Variants in CRYBB2 observed in about 807,000 individuals in gnomAD.
CRYBB2 encodes the protein crystallin beta B2.
CRYBB2 carries 12 observed loss-of-function variants against 24.3 expected under a neutral mutation model. The observed-to-expected ratio is 0.49, with a 90% confidence interval of 0.32 to 0.80. The LOEUF (loss-of-function observed/expected upper bound fraction) is 0.80. Among genes scored for constraint, CRYBB2 ranks in the 30% least tolerant of loss-of-function variants. CRYBB2 has a pLI of 0.04. For missense variants in CRYBB2, 198 were observed against 268.5 expected, an observed-to-expected ratio of 0.74 and a Z score of 1.83; for synonymous variants, 98 against 101.6, an observed-to-expected ratio of 0.96 and a Z score of 0.21.
intron 2 of CRYBB2, among the ~76,000 whole-genome samples, chr22:25,222,854 GAATT>G (rs1206560028): frequency 6.6e-6 from 1 of 152,006 alleles, no homozygotes; most frequent in Non-Finnish European, 1.5e-5. Flanking sequence ...ATCAATATAA[GAATT>G]ATTAGGCAGA....
upstream of CRYBB2, among the ~76,000 whole-genome samples, chr22:25,218,744 A>AGGG (rs1569015990): frequency 5.1e-3 from 160 of 31,174 alleles, 14 homozygotes; most frequent in Middle Eastern, 0.023. Context: ...GGGGAGAGAG[A>AGGG]GAGAGAGAGA....
chr22:25,223,720 T>C (rs1286748896), intron 2 of CRYBB2, among the ~76,000 whole-genome samples: 1 of 152,134 alleles, frequency 6.6e-6, no homozygotes, highest in Non-Finnish European at 1.5e-5. Flanking sequence ...GTGCTGACCG[T>C]GTCGATTCTG....
At position 25,229,539 on chromosome 22, in the gene CRYBB2, A is replaced by T; in HGVS notation, c.410A>T (p.Tyr137Phe). The T allele has an allele frequency of 6.2e-7, 1 of 1,614,246 alleles. No homozygotes were observed. Among genetic ancestry groups the T allele is most frequent in the Non-Finnish European group, 8.5e-7 (1 of 1,180,044 alleles). Residue 137 changes from tyrosine (Y) to phenylalanine (F), a missense_variant, in exon 5 of 6, where the codon TAC becomes TTC. Physicochemically the swap from Tyr to Phe is conservative, Grantham distance 22. Transcript: ENST00000398215. ...GTACCCAGCTTCCACGCCCATGGCT[A>T]CCAGGAGAAGGTGTCATCTGTGCGG... Reference protein sequence around the residue: ...DDVPSFHAHGYQEKVSSVRVQ... With the variant: ...DDVPSFHAHGFQEKVSSVRVQ...
chr22:25,228,878 A>C (rs1174608956), intron 4 of CRYBB2, among the ~76,000 whole-genome samples: 1 of 152,226 alleles, frequency 6.6e-6, no homozygotes, highest in African/African-American at 2.4e-5. Flanking sequence ...AAAATATCTC[A>C]GGTGCCTATT....
rs528686425 is a variant in CRYBB2, at chr22:25,226,033, T to G, written c.173+997T>G. 5.3e-5 allele frequency among the ~76,000 whole-genome samples: 8 copies of G among 152,322 alleles called. No homozygotes were observed. The East Asian group carries it at 1.2e-3, about 22-fold the overall frequency. On this transcript the variant is annotated intron_variant, in intron 3 of 5. Coordinates refer to ENST00000398215, the MANE Select transcript of CRYBB2 (RefSeq NM_000496.3). The stretch of plus-strand genomic sequence containing the variant: ...CTTCTTCTTTCTTTTTTAAAAAATA[T>G]AACATTTAGTATTTTTATTAATTAT...
chr22:25,215,153 A>G (rs1444119826), upstream of CRYBB2, among the ~76,000 whole-genome samples: 1 of 152,236 alleles, frequency 6.6e-6, no homozygotes, highest in African/African-American at 2.4e-5. Flanking sequence ...CCATAAGCAA[A>G]ATCTCTGCAG....
At chr22:25,218,025 C>T (rs1185601787), upstream of CRYBB2, among the ~76,000 whole-genome samples, 7 of 151,788 alleles carry the variant, frequency 4.6e-5, no homozygotes, top group Non-Finnish European at 4.4e-5. Flanking sequence ...TTTGGGAGGC[C>T]GAGACGGGCG....
chr22:25,220,375 A>G (rs1935298672), intron 1 of CRYBB2, among the ~76,000 whole-genome samples: 1 of 152,212 alleles, frequency 6.6e-6, no homozygotes, highest in South Asian at 2.1e-4. Context: ...ACCTGCCCAG[A>G]GTCTCAATTC....
chr22:25,225,045 C>T lies in CRYBB2; in HGVS notation c.173+9C>T, dbSNP rs1569019587. The T allele has an allele frequency of 6.8e-7, 1 of 1,463,972 alleles. No homozygotes were observed. Among genetic ancestry groups the T allele is most frequent in the South Asian group, 1.1e-5 (1 of 88,138 alleles). The allele number at this position is 1,463,972 out of a possible 1,614,324, so 90.7% of individuals were successfully genotyped here. Reference sequence around the variant, plus strand: ...CTAGTGCAGGCTGGACCGTAAGTACCTGGGTGGCCTCTCCTGGTCAGGGAC... The same window carrying T: ...CTAGTGCAGGCTGGACCGTAAGTACTTGGGTGGCCTCTCCTGGTCAGGGAC... On this transcript the variant is annotated intron_variant, in intron 3 of 5. Coordinates refer to ENST00000398215, the MANE Select transcript of CRYBB2 (RefSeq NM_000496.3).
At chr22:25,229,408 C>A in intron 4 of CRYBB2, 28 bp from the exon 5 acceptor site, 1 of 1,585,550 alleles carries the variant, frequency 6.3e-7, no homozygotes, top group Non-Finnish European at 8.6e-7. Context: ...CTCACCCATA[C>A]TCACTTCCCC....
At chr22:25,231,054 C>T (rs142192985) in intron 5 of CRYBB2, among the ~76,000 whole-genome samples, 17 of 152,242 alleles carry the variant, frequency 1.1e-4, no homozygotes, top group South Asian at 4.1e-4. Context: ...CATAAGAATG[C>T]GAAGTAGAGC....
intron 1 of CRYBB2, among the ~76,000 whole-genome samples, chr22:25,221,201 C>T (rs770098372): frequency 2.0e-5 from 3 of 152,172 alleles, no homozygotes; most frequent in Non-Finnish European, 2.9e-5. Context: ...TTTCCCTCCT[C>T]CTGCAGCTGG....
At chr22:25,216,518 C>A (rs1935171932), upstream of CRYBB2, among the ~76,000 whole-genome samples, 1 of 152,234 alleles carries the variant, frequency 6.6e-6, no homozygotes, top group South Asian at 2.1e-4. Context: ...GAAGGACCCT[C>A]ACCTAGAACC....
At chr22:25,224,738 C>T (rs754844354) in intron 2 of CRYBB2, among the ~76,000 whole-genome samples, 180 bp from the exon 3 acceptor site, 4 of 152,168 alleles carry the variant, frequency 2.6e-5, no homozygotes, top group Non-Finnish European at 5.9e-5. Context: ...AATGCAGGCT[C>T]AAGGTCCCAC....
chr22:25,231,852 A>G lies in CRYBB2; in HGVS notation c.*80A>G. 2 of 1,360,760 alleles carry G rather than the reference A, an allele frequency of 1.5e-6. No individual in the cohort carries two copies. Among genetic ancestry groups the G allele is most frequent in the Non-Finnish European group, 2.1e-6 (2 of 951,820 alleles). 84.3% of individuals were successfully genotyped at this position (1,360,760 alleles called of 1,614,324 possible). A position where few individuals can be genotyped will look rare whatever the true frequency, so the allele number is the denominator to read the frequency against. Reference sequence around the variant, plus strand: ...TCCAGACCTCCCAGAGAGTGAATAAAGTGTGACTTGCAACTTGTCTGCTGT... The same window carrying G: ...TCCAGACCTCCCAGAGAGTGAATAAGGTGTGACTTGCAACTTGTCTGCTGT... On this transcript the variant is annotated 3_prime_UTR_variant, in exon 6 of 6. Coordinates refer to ENST00000398215, the MANE Select transcript of CRYBB2 (RefSeq NM_000496.3).
intron 4 of CRYBB2, among the ~76,000 whole-genome samples, chr22:25,229,083 A>T (rs917154568): frequency 1.4e-5 from 2 of 147,690 alleles, no homozygotes; most frequent in Non-Finnish European, 3.0e-5. Context: ...GTGTGCACAC[A>T]TGTGTGGGTG....
upstream of CRYBB2, among the ~76,000 whole-genome samples, chr22:25,218,786 G>GAAAGAAAT (rs1935254753): frequency 1.5e-5 from 1 of 67,770 alleles, no homozygotes; most frequent in African/African-American, 7.3e-5. Flanking sequence ...AGAGAAGAAA[G>GAAAGAAAT]AAAGAAAGAA....
chr22:25,229,221 T>C (rs1935488848), intron 4 of CRYBB2, among the ~76,000 whole-genome samples: 1 of 152,100 alleles, frequency 6.6e-6, no homozygotes, highest in Admixed American at 6.5e-5. Context: ...TTCCCCAAAG[T>C]GTTGCAGAGT....
upstream of CRYBB2, among the ~76,000 whole-genome samples, chr22:25,212,546 C>T (rs556403500): frequency 6.6e-6 from 1 of 152,332 alleles, no homozygotes; most frequent in African/African-American, 2.4e-5. Context: ...CTGGCCATTT[C>T]CTGTTGCTAG....
Sources: allele counts gnomAD v4.1 joint callset (sites outside exome capture counted in the v4.1 genomes callset), GRCh38; gene constraint gnomAD v4.1.1; transcripts MANE v1.5; gene names NCBI Gene and HGNC (gene_info 2026-07-23, HGNC 2026-07-21).